RDX: variants seen among roughly 807,000 people sequenced by gnomAD.
RDX encodes radixin, also known as deafness, autosomal recessive 24.
In RDX, 32 loss-of-function variants were observed where a neutral mutation model predicts 83.7. The observed-to-expected ratio is 0.38, with a 90% CI of 0.29 to 0.51. RDX has a LOEUF of 0.51. RDX is among the 20% of genes least tolerant of loss of function. The pLI, the probability that RDX is intolerant of heterozygous loss-of-function variation, is 0.87. For synonymous variants in RDX, 229 were observed against 222.7 expected (o/e 1.03, Z -0.25); for missense variants, 600 against 689.9 (o/e 0.87, Z 1.46).
At chr11:110,279,640 T>C in intron 2 of RDX, 41 bp downstream of exon 2, 1 of 1,342,700 alleles carries the variant, frequency 7.4e-7, no homozygotes, top group Non-Finnish European at 1.1e-6. Context: ...TAATGATATC[T>C]TATTATTGAG....
intron 5 of RDX, among the ~76,000 whole-genome samples, chr11:110,259,846 ATTTT>A: frequency 6.6e-6 from 1 of 150,846 alleles, no homozygotes. Flanking sequence ...CCCAACCCCT[ATTTT>A]TTTTTCTTTT....
At chr11:110,236,922 C>T (rs533797915) in intron 11 of RDX, among the ~76,000 whole-genome samples, 2 of 152,186 alleles carry the variant, frequency 1.3e-5, no homozygotes, top group African/African-American at 4.8e-5. Flanking sequence ...GCCCGGCCAT[C>T]ATTCCTCTTT....
intron 15 of RDX, among the ~76,000 whole-genome samples, chr11:110,192,055 C>G (rs1307356498): frequency 6.6e-6 from 1 of 152,064 alleles, no homozygotes; most frequent in Admixed American, 6.6e-5. Context: ...TCATATTGAT[C>G]CAAGAAAGAG....
intron 8 of RDX, 103 bp downstream of exon 8, chr11:110,255,186 A>C: frequency 1.5e-6 from 1 of 687,512 alleles, no homozygotes; most frequent in Non-Finnish European, 2.6e-6. Context: ...AATGGTCCTC[A>C]GAAGCAATTT....
At chr11:110,291,413 T>C (rs1045267839) in intron 1 of RDX, among the ~76,000 whole-genome samples, 2 of 151,786 alleles carry the variant, frequency 1.3e-5, no homozygotes, top group Non-Finnish European at 2.9e-5. Context: ...GGGAACAGAG[T>C]TGGAAGAAAG....
At chr11:110,296,152 G>C (rs944237037) in intron 1 of RDX, among the ~76,000 whole-genome samples, 11 of 152,234 alleles carry the variant, frequency 7.2e-5, no homozygotes. Flanking sequence ...GCTGAAGGCA[G>C]ACTCCGCGCC....
chr11:110,232,920 T>C (rs999795112), intron 13 of RDX, among the ~76,000 whole-genome samples: 2 of 152,226 alleles, frequency 1.3e-5, no homozygotes, highest in African/African-American at 2.4e-5. Flanking sequence ...TGGCCCTCAA[T>C]GTACATATTA....
chr11:110,231,694 A>G lies in RDX; in HGVS notation c.*175T>C, dbSNP rs1591131345. On this transcript the variant is annotated 3_prime_UTR_variant, in exon 14 of 14. Transcript: ENST00000645495. ...AAAAGAAAAAAGAAAACCAAGCATG[A>G]TATCATACTGCCTTAATGTTGAAGA... 4 of 708,382 alleles carry G rather than the reference A, an allele frequency of 5.6e-6. No individual in the cohort carries two copies. Among genetic ancestry groups the G allele is most frequent in the East Asian group, 2.6e-5 (1 of 38,822 alleles). 43.9% of individuals were successfully genotyped at this position (708,382 alleles called of 1,614,324 possible).
At chr11:110,175,566 G>A (rs1862757202) in intron 15 of RDX, among the ~76,000 whole-genome samples, 1 of 152,226 alleles carries the variant, frequency 6.6e-6, no homozygotes, top group Non-Finnish European at 1.5e-5. Context: ...TTGTCCAGAG[G>A]TCTGGGTGGG....
chr11:110,277,165 T>G (rs1034763645), intron 2 of RDX, among the ~76,000 whole-genome samples: 5 of 152,188 alleles, frequency 3.3e-5, no homozygotes, highest in African/African-American at 1.2e-4. Context: ...TTTGACTCTT[T>G]AAGGAACAAT....
At chr11:110,273,899 C>A (rs1297553127) in intron 2 of RDX, among the ~76,000 whole-genome samples, 2 of 152,200 alleles carry the variant, frequency 1.3e-5, no homozygotes, top group Admixed American at 1.3e-4. Flanking sequence ...TATATTAATA[C>A]GTATTACTGC....
At chr11:110,274,978 G>A (rs1565329259) in intron 2 of RDX, among the ~76,000 whole-genome samples, 1 of 152,140 alleles carries the variant, frequency 6.6e-6, no homozygotes, top group Non-Finnish European at 1.5e-5. Context: ...ACCACATAAT[G>A]CTGAATTGTA....
At chr11:110,189,998 G>A (rs747082152) in intron 15 of RDX, among the ~76,000 whole-genome samples, 6 of 151,840 alleles carry the variant, frequency 4.0e-5, no homozygotes, top group Admixed American at 2.0e-4. Context: ...CAGGAGAATC[G>A]CTTGAACCCA....
At chr11:110,188,364 T>C (rs964737807) in intron 15 of RDX, among the ~76,000 whole-genome samples, 19 of 151,348 alleles carry the variant, frequency 1.3e-4, no homozygotes, top group Admixed American at 9.9e-4. Flanking sequence ...CGCAGCAACC[T>C]GGATGGAGCT....
chr11:110,279,558 A>G (rs1300848814), intron 2 of RDX, 123 bp downstream of exon 2: 5 of 701,482 alleles, frequency 7.1e-6, no homozygotes, highest in East Asian at 5.1e-5. Flanking sequence ...CTAAAGAGAA[A>G]TAACAGTAGT....
chr11:110,236,013 G>A, intron 12 of RDX, 86 bp downstream of exon 12: 1 of 919,774 alleles, frequency 1.1e-6, no homozygotes, highest in Non-Finnish European at 1.8e-6. Context: ...AATTATGACA[G>A]TATCTTACAC....
intron 1 of RDX, among the ~76,000 whole-genome samples, chr11:110,280,322 C>G (rs948011383): frequency 5.3e-5 from 8 of 152,152 alleles, no homozygotes; most frequent in African/African-American, 1.9e-4. Flanking sequence ...CAGCTCACTG[C>G]AGCCTAAACC....
intron 5 of RDX, among the ~76,000 whole-genome samples, chr11:110,258,699 A>G (rs1859660981): frequency 6.6e-6 from 1 of 152,054 alleles, no homozygotes; most frequent in African/African-American, 2.4e-5. Flanking sequence ...TTGGGCCCTA[A>G]TTCTTCCTTT....
intron 15 of RDX, among the ~76,000 whole-genome samples, chr11:110,195,324 G>A (rs988942272): frequency 1.3e-5 from 2 of 152,106 alleles, no homozygotes; most frequent in African/African-American, 4.8e-5. Flanking sequence ...TCTAAGCTTC[G>A]GTCCTTGGAC....
Sources: gnomAD v4.1 joint callset for allele counts (sites outside exome capture counted in the v4.1 genomes callset) on GRCh38, gnomAD v4.1.1 for gene constraint, MANE v1.5 for transcripts, NCBI Gene and HGNC (gene_info 2026-07-23, HGNC 2026-07-21) for gene names.